Variants in KIAA0753 observed in about 807,000 individuals in gnomAD.
KIAA0753 encodes the protein protein moonraker.
In KIAA0753, 114 loss-of-function variants were observed where a neutral mutation model predicts 116.9. The ratio of observed to expected loss-of-function variants is 0.98; its 90% confidence interval spans 0.84 to 1.14. The LOEUF (loss-of-function observed/expected upper bound fraction) is 1.14, where lower values mean the gene tolerates loss of function less well. Among genes scored for constraint, KIAA0753 ranks in the 50% most tolerant of loss-of-function variants. The pLI is 0.00. For missense variants in KIAA0753, 1,156 were observed against 1,172.4 expected (o/e 0.99, Z 0.20); for synonymous variants, 405 against 413.1 (o/e 0.98, Z 0.24).
At position 6,610,031 on chromosome 17, in the gene KIAA0753, G is replaced by T; in HGVS notation, c.1675C>A (p.Pro559Thr). The part of the protein sequence containing the change: ...PVKDRKAPWI[P>T]PNPTSPPASP... ...GCTGGTGGGGATGTGGGGTTTGGGG[G>T]TATCCATGGTGCCTTGCGGTCTTTC... Residue 559 changes from proline to threonine, a missense_variant, in exon 9 of 19, where the codon CCC becomes ACC. By Grantham distance (38) the Pro-to-Thr change is conservative. Coordinates refer to ENST00000361413, the MANE Select transcript of KIAA0753 (RefSeq NM_014804.3). 1 of 1,614,118 alleles carries T rather than the reference G, an allele frequency of 6.2e-7. No homozygotes were observed. Among genetic ancestry groups the T allele is most frequent in the Non-Finnish European group, 8.5e-7 (1 of 1,180,010 alleles).
intron 9 of KIAA0753, among the ~76,000 whole-genome samples, chr17:6,608,868 C>A (rs1261575748): frequency 2.0e-5 from 3 of 152,210 alleles, no homozygotes; most frequent in Non-Finnish European, 4.4e-5. Flanking sequence ...CTACCCACCA[C>A]ACATGCACTC....
chr17:6,604,788 T>G (rs1218971797), intron 12 of KIAA0753, among the ~76,000 whole-genome samples: 1 of 152,114 alleles, frequency 6.6e-6, no homozygotes, highest in Admixed American at 6.5e-5. Flanking sequence ...CTGGGGAAAC[T>G]GGGTCTTCGT....
chr17:6,634,383 C>T (rs997810787), intron 2 of KIAA0753, among the ~76,000 whole-genome samples: 3 of 152,126 alleles, frequency 2.0e-5, no homozygotes, highest in Non-Finnish European at 2.9e-5. Flanking sequence ...GGATTACAGG[C>T]GTGAGCCACC....
At chr17:6,610,294 T>G (rs958066614) in intron 8 of KIAA0753, 134 bp from the exon 9 acceptor site, 2 of 708,766 alleles carry the variant, frequency 2.8e-6, no homozygotes, top group East Asian at 5.0e-5. Context: ...TAGAAAGCAC[T>G]GTGGCAGAAA....
intron 7 of KIAA0753, among the ~76,000 whole-genome samples, chr17:6,620,503 A>C (rs992962534): frequency 1.3e-5 from 2 of 152,014 alleles, no homozygotes; most frequent in East Asian, 3.9e-4. Context: ...AAAATAAAAT[A>C]AACTTTTTTT....
At chr17:6,623,142 T>G in intron 5 of KIAA0753, 45 bp from the exon 6 acceptor site, 1 of 1,513,274 alleles carries the variant, frequency 6.6e-7, no homozygotes, top group East Asian at 2.4e-5. Flanking sequence ...TACTCAGAAC[T>G]TGCTAACATT....
chr17:6,597,153 G>C (rs1409906902), intron 14 of KIAA0753, among the ~76,000 whole-genome samples: 1 of 152,172 alleles, frequency 6.6e-6, no homozygotes, highest in Non-Finnish European at 1.5e-5. Flanking sequence ...TGCACGCTGA[G>C]ACACTTAGCA....
chr17:6,594,063 T>C (rs987625314), intron 16 of KIAA0753, among the ~76,000 whole-genome samples: 6 of 152,198 alleles, frequency 3.9e-5, no homozygotes, highest in Non-Finnish European at 7.3e-5. Flanking sequence ...ACTAATCTAA[T>C]GATCTGGCAA....
At chr17:6,616,015 G>A (rs1178470366) in intron 7 of KIAA0753, among the ~76,000 whole-genome samples, 2 of 150,764 alleles carry the variant, frequency 1.3e-5, no homozygotes, top group East Asian at 1.9e-4. Flanking sequence ...TGGGGAAGAG[G>A]AGACCTTAGG....
chr17:6,595,566 T>G (rs760767625), intron 15 of KIAA0753, among the ~76,000 whole-genome samples: 4 of 152,208 alleles, frequency 2.6e-5, no homozygotes, highest in African/African-American at 9.7e-5. Context: ...CATGGTGCGA[T>G]GGAAAAGAAA....
At chr17:6,614,240 A>C in intron 7 of KIAA0753, among the ~76,000 whole-genome samples, 1 of 152,204 alleles carries the variant, frequency 6.6e-6, no homozygotes, top group East Asian at 1.9e-4. Flanking sequence ...ATACACTGCA[A>C]CCCAGCAATC....
At chr17:6,613,177 A>C (rs988392309) in intron 7 of KIAA0753, among the ~76,000 whole-genome samples, 3 of 152,236 alleles carry the variant, frequency 2.0e-5, no homozygotes, top group Admixed American at 2.0e-4. Flanking sequence ...AATATAAGAA[A>C]AAAATCTCAT....
Position 6,628,346 on chromosome 17 carries a change from T to A in KIAA0753, c.489A>T (p.Lys163Asn). ...TGGCACCAGAGCTGGAGATTTCTAC[T>A]TTGGATGGCTGGTGGCTACACTGAC... is the stretch of plus-strand genomic sequence containing the variant. The part of the protein sequence containing the change: ...AACQCSHQPS[K>N]VEISSSGAKV... The change falls in exon 3 of 19, where the codon AAA becomes AAT. Residue 163 changes from lysine (K) to asparagine (N), a missense_variant. Physicochemically the swap from Lys to Asn is moderately conservative, Grantham distance 94. Coordinates refer to ENST00000361413, the MANE Select transcript of KIAA0753 (RefSeq NM_014804.3). 6.2e-7 allele frequency: 1 copy of A among 1,614,164 alleles called. No individual in the cohort carries two copies. Among genetic ancestry groups the A allele is most frequent in the Non-Finnish European group, 8.5e-7 (1 of 1,180,018 alleles).
chr17:6,626,031 T>C (rs547254950), intron 3 of KIAA0753, among the ~76,000 whole-genome samples: 109 of 152,354 alleles, frequency 7.2e-4, no homozygotes, highest in African/African-American at 2.4e-3. Context: ...ACAAGTCTTT[T>C]CTCTAACATA....
At chr17:6,615,550 G>A (rs1338137794) in intron 7 of KIAA0753, among the ~76,000 whole-genome samples, 1 of 145,902 alleles carries the variant, frequency 6.9e-6, no homozygotes. Flanking sequence ...GCGAGGCGTA[G>A]CTGGCAGTGA....
Position 6,624,813 on chromosome 17 carries a change from A to G in KIAA0753, c.767T>C (p.Ile256Thr). Residue 256 changes from isoleucine (I) to threonine (T), a missense_variant, in exon 4 of 19, where the codon ATC (isoleucine) becomes ACC (threonine). By Grantham distance (89) the Ile-to-Thr change is moderately conservative. Coordinates refer to ENST00000361413, the MANE Select transcript of KIAA0753 (RefSeq NM_014804.3). ...GCGAGCAGCTTGCTCCTGTCTCCTGATACGGATTCGACGTTCTTCATCTGG... is the reference window on the plus strand; with the variant it reads ...GCGAGCAGCTTGCTCCTGTCTCCTGGTACGGATTCGACGTTCTTCATCTGG... ...LDPDEERRIR[I>T]RRQEQAARSA... The G allele has an allele frequency of 6.4e-7, 1 of 1,563,918 alleles. No individual in the cohort carries two copies. The highest frequency in any genetic ancestry group is 8.7e-7 in the Non-Finnish European group (1 of 1,152,058).
intron 16 of KIAA0753, among the ~76,000 whole-genome samples, chr17:6,594,146 T>C (rs1192106325): frequency 1.3e-5 from 2 of 152,194 alleles, no homozygotes; most frequent in African/African-American, 4.8e-5. Context: ...AATATATTCA[T>C]AGCAGATTTA....
intron 18 of KIAA0753, among the ~76,000 whole-genome samples, chr17:6,586,391 G>C (rs997645873): frequency 6.6e-6 from 1 of 152,174 alleles, no homozygotes; most frequent in Non-Finnish European, 1.5e-5. Flanking sequence ...TAATTCCTGA[G>C]TCTCAACCAA....
intron 16 of KIAA0753, among the ~76,000 whole-genome samples, chr17:6,594,050 C>A (rs1268283331): frequency 6.6e-6 from 1 of 152,144 alleles, no homozygotes; most frequent in Non-Finnish European, 1.5e-5. Context: ...AAGTTAAACA[C>A]AAACTAATCT....
Sources: gnomAD v4.1 joint callset for allele counts (sites outside exome capture counted in the v4.1 genomes callset) on GRCh38, gnomAD v4.1.1 for gene constraint, MANE v1.5 for transcripts, NCBI Gene and HGNC (gene_info 2026-07-23, HGNC 2026-07-21) for gene names.